The following BICC1 variants were observed in gnomAD, a reference collection of about 807,000 sequenced individuals.
BICC1 encodes the protein protein bicaudal C homolog 1.
Under a neutral mutation model 111.0 loss-of-function variants are expected in BICC1, and 43 were observed. The ratio of observed to expected loss-of-function variants is 0.39; its 90% CI spans 0.30 to 0.50. BICC1 has a LOEUF of 0.50. Ranked by LOEUF, BICC1 falls within the 20% of genes least tolerant of loss-of-function variation. The pLI is 0.88. For missense variants in BICC1, 1,091 were observed against 1,203.2 expected (o/e 0.91, Z 1.38); for synonymous variants, 467 against 434.4 (o/e 1.07, Z -0.93).
chr10:58,698,611 A>T (rs1257183441), intron 2 of BICC1, among the ~76,000 whole-genome samples: 1 of 152,072 alleles, frequency 6.6e-6, no homozygotes, highest in Admixed American at 6.5e-5. Flanking sequence ...CCCTTGTTAG[A>T]TTCTGAGCTC....
intron 2 of BICC1, among the ~76,000 whole-genome samples, chr10:58,675,936 G>A (rs1428145900): frequency 2.6e-5 from 4 of 152,218 alleles, no homozygotes; most frequent in African/African-American, 7.2e-5. Context: ...TGAGGTACCC[G>A]GTTCATCTCA....
intron 2 of BICC1, among the ~76,000 whole-genome samples, chr10:58,624,956 A>C (rs1342275831): frequency 6.6e-6 from 1 of 152,118 alleles, no homozygotes; most frequent in African/African-American, 2.4e-5. Context: ...GTGTATATTA[A>C]AAATATATAT....
intron 2 of BICC1, among the ~76,000 whole-genome samples, chr10:58,661,476 T>C (rs1838843418): frequency 6.6e-6 from 1 of 152,120 alleles, no homozygotes; most frequent in African/African-American, 2.4e-5. Context: ...ATCCTAAGAG[T>C]GATCTGAAGC....
intron 1 of BICC1, among the ~76,000 whole-genome samples, chr10:58,573,104 G>A (rs951895156): frequency 3.9e-5 from 6 of 152,092 alleles, no homozygotes; most frequent in Admixed American, 3.3e-4. Flanking sequence ...GAAGCTGCAT[G>A]TTCTTCCTGC....
chr10:58,573,127 C>T (rs915514444), intron 1 of BICC1, among the ~76,000 whole-genome samples: 3 of 152,098 alleles, frequency 2.0e-5, no homozygotes, highest in African/African-American at 7.2e-5. Flanking sequence ...GGCTCTCTCC[C>T]ATTCTGCCTC....
At chr10:58,623,994 G>A (rs996405098) in intron 2 of BICC1, among the ~76,000 whole-genome samples, 1 of 152,136 alleles carries the variant, frequency 6.6e-6, no homozygotes, top group Non-Finnish European at 1.5e-5. Context: ...TAATTTCTTT[G>A]TGTGGTGTAC....
At chr10:58,662,003 G>A (rs1237855129) in intron 2 of BICC1, among the ~76,000 whole-genome samples, 1 of 152,162 alleles carries the variant, frequency 6.6e-6, no homozygotes, top group African/African-American at 2.4e-5. Context: ...AGAATAAAAT[G>A]TTCCATCTCT....
At chr10:58,569,222 T>C (rs1284354441) in intron 1 of BICC1, among the ~76,000 whole-genome samples, 1 of 152,148 alleles carries the variant, frequency 6.6e-6, no homozygotes, top group Non-Finnish European at 1.5e-5. Flanking sequence ...TCTAATAATA[T>C]TCATTTGGAG....
chr10:58,549,018 A>G (rs563285406), intron 1 of BICC1, among the ~76,000 whole-genome samples: 57 of 151,912 alleles, frequency 3.8e-4, no homozygotes, highest in African/African-American at 1.4e-3. Context: ...GCCAACGTTT[A>G]TATTTTTTGT....
intron 3 of BICC1, among the ~76,000 whole-genome samples, chr10:58,766,211 A>C (rs541219624): frequency 7.0e-4 from 105 of 150,954 alleles, no homozygotes; most frequent in African/African-American, 2.0e-3. Flanking sequence ...ATTATGTTCC[A>C]AAAAAAAACC....
At chr10:58,566,347 CAT>C (rs753490931) in intron 1 of BICC1, among the ~76,000 whole-genome samples, 2 of 151,686 alleles carry the variant, frequency 1.3e-5, no homozygotes, top group Non-Finnish European at 2.9e-5. Flanking sequence ...TATACATACA[CAT>C]ATATATATAC....
chr10:58,699,553 A>G (rs1217903288), intron 2 of BICC1, among the ~76,000 whole-genome samples: 4 of 152,256 alleles, frequency 2.6e-5, no homozygotes, highest in South Asian at 2.1e-4. Context: ...TATCTATTAC[A>G]GTATCATAAT....
intron 3 of BICC1, among the ~76,000 whole-genome samples, chr10:58,777,000 A>G (rs1177580950): frequency 1.3e-5 from 2 of 151,848 alleles, no homozygotes; most frequent in African/African-American, 4.8e-5. Context: ...CAGCTTTCAG[A>G]TTATGTCTGG....
chr10:58,580,059 C>A (rs1844236168), intron 1 of BICC1, among the ~76,000 whole-genome samples: 1 of 149,880 alleles, frequency 6.7e-6, no homozygotes, highest in Non-Finnish European at 1.5e-5. Flanking sequence ...AGAATCTTGC[C>A]TGTCATCCAG....
At chr10:58,636,602 T>TCCTC (rs552570864) in intron 2 of BICC1, among the ~76,000 whole-genome samples, 2 of 149,414 alleles carry the variant, frequency 1.3e-5, no homozygotes, top group African/African-American at 2.6e-5. Flanking sequence ...TCCTCCTCCT[T>TCCTC]CTCCCTTTTT....
Position 58,513,058 on chromosome 10 carries a change from A to G in BICC1, c.-86A>G, listed in dbSNP as rs192719190. The G allele has an allele frequency of 2.3e-3, 2,461 of 1,075,714 alleles. 60 individuals carry two copies. In the Admixed American group the frequency reaches 0.049, roughly 22 times the overall value. 66.6% of individuals were successfully genotyped at this position (1,075,714 alleles called of 1,614,324 possible). On this transcript the variant is annotated 5_prime_UTR_variant, in exon 1 of 21. Transcript: ENST00000373886. ...GACGAGCTAGCGCCGCGGCGCTGGG[A>G]GCCAGTTGAGCCCGGCCGGCGAGCG...
intron 2 of BICC1, among the ~76,000 whole-genome samples, chr10:58,646,167 G>A (rs1415474958): frequency 6.6e-6 from 1 of 151,694 alleles, no homozygotes. Context: ...GTCCAGGCCA[G>A]CTTTTCCTAA....
At chr10:58,719,456 A>G (rs1279835155) in intron 3 of BICC1, among the ~76,000 whole-genome samples, 1 of 149,842 alleles carries the variant, frequency 6.7e-6, no homozygotes, top group Non-Finnish European at 1.5e-5. Context: ...GGAGCCTAAC[A>G]CTCTCTTTCT....
rs1001511782 is a variant in BICC1, at chr10:58,814,159, C to T, written c.2533+173C>T. The T allele has an allele frequency of 1.6e-5, 12 of 735,680 alleles. No homozygotes were observed. The African/African-American group carries it at 1.9e-4, about 12-fold the overall frequency. 45.6% of individuals were successfully genotyped at this position (735,680 alleles called of 1,614,324 possible). ...TCCCAGTGAAGCAGGCCACCTGGTT[C>T]TCTTTCCTCTCACTCCATTTTGTGC... On this transcript the variant is annotated intron_variant, in intron 18 of 20. Coordinates refer to ENST00000373886, the MANE Select transcript of BICC1 (RefSeq NM_001080512.3).
Sources: gnomAD v4.1 joint callset for allele counts (sites outside exome capture counted in the v4.1 genomes callset) on GRCh38, gnomAD v4.1.1 for gene constraint, MANE v1.5 for transcripts, NCBI Gene and HGNC (gene_info 2026-07-23, HGNC 2026-07-21) for gene names.